EXTL1: variants seen among roughly 807,000 people sequenced by gnomAD.
EXTL1 encodes exostosin-like 1.
Under a neutral mutation model 64.6 loss-of-function variants are expected in EXTL1, and 43 were observed. The observed-to-expected ratio is 0.67, with a 90% confidence interval of 0.52 to 0.86. The LOEUF (loss-of-function observed/expected upper bound fraction) is 0.86, where lower values mean the gene tolerates loss of function less well. EXTL1 is among the 40% of genes least tolerant of loss of function. EXTL1 has a pLI of 0.00. For missense variants in EXTL1, 766 were observed against 879.0 expected, an observed-to-expected ratio of 0.87 and a Z score of 1.62; for synonymous variants, 352 against 360.5, an observed-to-expected ratio of 0.98 and a Z score of 0.27.
chr1:26,030,509 C>G lies in EXTL1; in HGVS notation c.1015C>G (p.Arg339Gly). The change falls in exon 4 of 11, where the codon CGG becomes GGG. Residue 339 changes from arginine (R) to glycine (G), a missense_variant. Arg to Gly is a moderately radical substitution (Grantham distance 125). This residue lies in a region of EXTL1 where 571 missense variants were observed against 647.6 expected (regional missense o/e 0.88). Transcript: ENST00000374280. Reference sequence around the variant, plus strand: ...TGCCCTCCAGGAGATGTCCCCTGCACGGGTCCTCGCCCTGCGTCAGCAGAC... The same window carrying G: ...TGCCCTCCAGGAGATGTCCCCTGCAGGGGTCCTCGCCCTGCGTCAGCAGAC... ...LAALQEMSPA[R>G]VLALRQQTQF... is the part of the protein sequence containing the mutation. 1 of 1,613,298 alleles carries G rather than the reference C, an allele frequency of 6.2e-7. No homozygotes were observed.
rs2050325969 is a variant in EXTL1 at position 26,035,195 on chromosome 1, C to A, written c.1879C>A (p.Pro627Thr). 1 of 1,610,504 alleles carries A rather than the reference C, an allele frequency of 6.2e-7. No individual in the cohort carries two copies. The highest frequency in any genetic ancestry group is 8.5e-7 in the Non-Finnish European group (1 of 1,178,020). ...APGGPGPRPKPPAPAPDCINQ... is the reference protein window; with the variant it reads ...APGGPGPRPKTPAPAPDCINQ... ...TGGGGGCCCGGGGCCCAGGCCAAAG[C>A]CGCCTGCCCCAGCCCCCGACTGCAT... Residue 627 changes from proline (P) to threonine (T), a missense_variant, in exon 11 of 11, where the codon CCG (proline) becomes ACG (threonine). Pro to Thr is a conservative substitution (Grantham distance 38). Around this residue, in one of 3 missense-constraint regions of EXTL1, gnomAD observed 194 missense variants for 214.5 expected, o/e 0.90. Coordinates refer to ENST00000374280, the MANE Select transcript of EXTL1 (RefSeq NM_004455.3). The surrounding 1 kb of genome is among the most constrained non-coding windows in gnomAD (Gnocchi z 5.3).
chr1:26,032,442 C>A lies in EXTL1; in HGVS notation c.1388C>A (p.Pro463Gln). 6.4e-7 allele frequency: 1 copy of A among 1,555,030 alleles called. No individual in the cohort carries two copies. Among genetic ancestry groups the A allele is most frequent in the African/African-American group, 1.4e-5 (1 of 73,364 alleles). ...SNERPLPSRW[P>Q]ETAVPLTVID... ...GAGAGGCCACTCCCATCCAGGTGGC[C>A]GGAGACAGCTGTGCCCTTGACAGTC... Residue 463 changes from proline (P) to glutamine (Q), a missense_variant, in exon 7 of 11, where the codon CCG becomes CAG. Pro to Gln is a moderately conservative substitution (Grantham distance 76). Around this residue, in one of 3 missense-constraint regions of EXTL1, gnomAD observed 571 missense variants for 647.6 expected, o/e 0.88. Coordinates refer to ENST00000374280, the MANE Select transcript of EXTL1 (RefSeq NM_004455.3).
chr1:26,022,977 C>A lies in EXTL1; in HGVS notation c.331C>A (p.His111Asn), dbSNP rs1452566156. Residue 111 changes from histidine (H) to asparagine (N), a missense_variant, in exon 1 of 11, where the codon CAT (histidine) becomes AAT (asparagine). His to Asn is a moderately conservative substitution (Grantham distance 68). Coordinates refer to ENST00000374280, the MANE Select transcript of EXTL1 (RefSeq NM_004455.3). The part of the protein sequence containing the change: ...YPAVGTISET[H>N]RRILASIEGS... Reference sequence around the variant, plus strand: ...AGCGGTTGGAACCATCTCTGAGACTCATCGCAGGATCCTGGCTTCCATTGA... The same window carrying A: ...AGCGGTTGGAACCATCTCTGAGACTAATCGCAGGATCCTGGCTTCCATTGA... 6.2e-7 allele frequency: 1 copy of A among 1,614,180 alleles called. No homozygotes were observed. Among genetic ancestry groups the A allele is most frequent in the Non-Finnish European group, 8.5e-7 (1 of 1,180,006 alleles).
intron 1 of EXTL1, among the ~76,000 whole-genome samples, chr1:26,028,779 C>G (rs971654781): frequency 2.0e-5 from 3 of 152,200 alleles, no homozygotes; most frequent in Non-Finnish European, 4.4e-5. Context: ...TCAGAGGCCA[C>G]GCAGGCAAGG....
intron 1 of EXTL1, among the ~76,000 whole-genome samples, chr1:26,027,692 A>AAAAAAAAAAAAAAGAAAAG (rs1557551532): frequency 2.7e-5 from 4 of 145,772 alleles, no homozygotes; most frequent in African/African-American, 1.0e-4. Flanking sequence ...CCATCTCTAA[A>AAAAAAAAAAAAAAGAAAAG]AAAAAAAAAA....
In EXTL1 at chr1:26,029,297, A is replaced by G. The variant is rs373167084; in HGVS notation, c.873+11A>G. ...CTCCAAGCCCTGCAGGTACAACCCC[A>G]ATTTGAGCATCACCCATCCTCTGTC... On this transcript the variant is annotated intron_variant, in intron 2 of 10. Transcript: ENST00000374280. The G allele has an allele frequency of 1.9e-4, 309 of 1,606,760 alleles. No individual in the cohort carries two copies. Among genetic ancestry groups the G allele is most frequent in the Non-Finnish European group, 2.4e-4 (287 of 1,173,614 alleles).
In EXTL1 at chr1:26,023,355, C is replaced by T. The variant is rs376018636; in HGVS notation, c.709C>T (p.Arg237Cys). The change falls in exon 1 of 11, where the codon CGC becomes TGC. Residue 237 changes from arginine to cysteine, a missense_variant. Physicochemically the swap from Arg to Cys is radical, Grantham distance 180 (BLOSUM62 -3). Coordinates refer to ENST00000374280, the MANE Select transcript of EXTL1 (RefSeq NM_004455.3). ...CCTGGAAGAGGAGAGGGGTGGGTGG[C>T]GCACAGCAGACACTGGCTCCTCTGC... ...LALEEERGGW[R>C]TADTGSSACP... 15 of 1,486,740 alleles carry T rather than the reference C, an allele frequency of 1.0e-5. No individual in the cohort carries two copies. Among genetic ancestry groups the T allele is most frequent in the African/African-American group, 1.4e-5 (1 of 71,178 alleles). The allele number at this position is 1,486,740 out of a possible 1,614,324, so 92.1% of individuals were successfully genotyped here. A position where few individuals can be genotyped will look rare whatever the true frequency, so the allele number is the denominator to read the frequency against.
chr1:26,032,345 C>A, intron 6 of EXTL1, 51 bp from the exon 7 acceptor site: 3 of 1,339,788 alleles, frequency 2.2e-6, no homozygotes, highest in Non-Finnish European at 3.1e-6. Context: ...CCCTCGCAAC[C>A]CGCCTTCTGC....
At position 26,035,622 on chromosome 1, in the gene EXTL1, A is replaced by G; in HGVS notation, c.*275A>G. 1 of 396,506 alleles carries G rather than the reference A, an allele frequency of 2.5e-6. No homozygotes were observed. The highest frequency in any genetic ancestry group is 6.4e-5 in the South Asian group (1 of 15,528). 24.6% of individuals were successfully genotyped at this position (396,506 alleles called of 1,614,324 possible). On this transcript the variant is annotated 3_prime_UTR_variant, in exon 11 of 11. Coordinates refer to ENST00000374280, the MANE Select transcript of EXTL1 (RefSeq NM_004455.3). The surrounding 1 kb of genome is among the most constrained non-coding windows in gnomAD (Gnocchi z 5.3). Reference sequence around the variant, plus strand: ...CAGCTAACTTCTGCTCGTCTTTCAGAGCATTGTCTCCTCCAGGGACTTGCC... The same window carrying G: ...CAGCTAACTTCTGCTCGTCTTTCAGGGCATTGTCTCCTCCAGGGACTTGCC...
rs1476462480 is a variant in EXTL1, at chr1:26,035,175, G to T, written c.1859G>T (p.Gly620Val). 2 of 1,602,254 alleles carry T rather than the reference G, an allele frequency of 1.2e-6. No homozygotes were observed. The highest frequency in any genetic ancestry group is 1.7e-6 in the Non-Finnish European group (2 of 1,173,640). Residue 620 changes from glycine (G) to valine (V), a missense_variant, in exon 11 of 11, where the codon GGC becomes GTC. Around this residue, in one of 3 missense-constraint regions of EXTL1, gnomAD observed 194 missense variants for 214.5 expected, o/e 0.90. Coordinates refer to ENST00000374280, the MANE Select transcript of EXTL1 (RefSeq NM_004455.3). This position sits in a 1 kb window ranked among gnomAD's most constrained non-coding sequence, Gnocchi z 5.3. The stretch of plus-strand genomic sequence containing the variant: ...TTCTTTCCCTCTTAGGCGCCTGGGG[G>T]CCCGGGGCCCAGGCCAAAGCCGCCT... ...RQEAAPLAPG[G>V]PGPRPKPPAP...
At position 26,033,731 on chromosome 1, in the gene EXTL1, A is replaced by G. The variant is rs950577023; in HGVS notation, c.1554A>G (p.Pro518=). The G allele has an allele frequency of 6.2e-7, 1 of 1,614,044 alleles. No individual in the cohort carries two copies. The change falls in exon 9 of 11, where the codon CCA becomes CCG. Residue 518 remains proline, a synonymous_variant. Transcript: ENST00000374280. The surrounding 1 kb of genome is among the most constrained non-coding windows in gnomAD (Gnocchi z 5.1). ...DFAFLVWQSF[P]ERMVGFLTSS... The stretch of plus-strand genomic sequence containing the variant: ...CCTTTCTGGTGTGGCAGAGCTTCCC[A>G]GAGCGGATGGTGGGCTTCCTGACGT...
chr1:26,035,262 C>G lies in EXTL1; in HGVS notation c.1946C>G (p.Ser649Cys). The G allele has an allele frequency of 6.2e-7, 1 of 1,613,706 alleles. No homozygotes were observed. The highest frequency in any genetic ancestry group is 8.5e-7 in the Non-Finnish European group (1 of 1,179,956). Residue 649 changes from serine (S) to cysteine (C), a missense_variant, in exon 11 of 11, where the codon TCC (serine) becomes TGC (cysteine). Physicochemically the swap from Ser to Cys is moderately radical, Grantham distance 112 (BLOSUM62 -1). Transcript: ENST00000374280. This position sits in a 1 kb window ranked among gnomAD's most constrained non-coding sequence, Gnocchi z 5.3. ...GCGTTCGGCCACATGCCCTTGCTGTCCTCTCGTCTGCGTCTGGACCCGGTG... is the reference window on the plus strand; with the variant it reads ...GCGTTCGGCCACATGCCCTTGCTGTGCTCTCGTCTGCGTCTGGACCCGGTG... ...AAAFGHMPLL[S>C]SRLRLDPVLF... is the part of the protein sequence containing the mutation.
Position 26,022,727 on chromosome 1 carries a change from C to T in EXTL1, c.81C>T (p.Phe27=), listed in dbSNP as rs1199054011. 12 of 1,613,874 alleles carry T rather than the reference C, an allele frequency of 7.4e-6. No homozygotes were observed. Among genetic ancestry groups the T allele is most frequent in the Non-Finnish European group, 9.3e-6 (11 of 1,179,968 alleles). The change falls in exon 1 of 11, where the codon TTC becomes TTT. Residue 27 remains phenylalanine (F), a synonymous_variant. Transcript: ENST00000374280. ...TCCTGCTTGTCCTGCTGGGAGGCTTCTCCCTTCTCCGCCTGGCATTGCCTC... is the reference window on the plus strand; with the variant it reads ...TCCTGCTTGTCCTGCTGGGAGGCTTTTCCCTTCTCCGCCTGGCATTGCCTC... The part of the protein sequence containing the change: ...SWLLLVLLGG[F]SLLRLALPPR...
Position 26,032,569 on chromosome 1 carries a change from T to C in EXTL1, c.1431+84T>C. On this transcript the variant is annotated intron_variant, in intron 7 of 10. Coordinates refer to ENST00000374280, the MANE Select transcript of EXTL1 (RefSeq NM_004455.3). ...ACCCATGGGGTGTTTTATGAATACT[T>C]GGGCCTGAGCCGCAGTTGGGCCTGA... 2.9e-6 allele frequency: 3 copies of C among 1,031,888 alleles called. No individual in the cohort carries two copies. In the South Asian group the frequency reaches 4.5e-5, roughly 16 times the overall value. 63.9% of individuals were successfully genotyped at this position (1,031,888 alleles called of 1,614,324 possible). A position where few individuals can be genotyped will look rare whatever the true frequency, so the allele number is the denominator to read the frequency against.
At position 26,031,484 on chromosome 1, in the gene EXTL1, GC is replaced by G; in HGVS notation, c.1260del (p.Ser420ArgfsTer3). ...QQGSRPEGRF[S>X]ALIWVGPPGQ... ...GGCTCCCGCCCTGAGGGCAGATTCA[GC>G]GCCCTGATCTGGGTGGGGCCCCCAG... On this transcript the variant is annotated frameshift_variant, in exon 6 of 11. Coordinates refer to ENST00000374280, the MANE Select transcript of EXTL1 (RefSeq NM_004455.3). LOFTEE classifies it high-confidence loss of function. The G allele has an allele frequency of 1.9e-6, 3 of 1,592,564 alleles. No homozygotes were observed. The South Asian group carries it at 3.4e-5, about 18-fold the overall frequency.
chr1:26,027,561 C>T (rs1340058503), intron 1 of EXTL1, among the ~76,000 whole-genome samples: 1 of 151,468 alleles, frequency 6.6e-6, no homozygotes, highest in Non-Finnish European at 1.5e-5. Flanking sequence ...GACATTAAGA[C>T]AGCGTAGAAG....
At chr1:26,031,646 C>T (rs1467338019) in intron 6 of EXTL1, 80 bp downstream of exon 6, 1 of 782,328 alleles carries the variant, frequency 1.3e-6, no homozygotes, top group Non-Finnish European at 1.9e-6. Context: ...ACTTCCAGAC[C>T]CCAAAGATGA....
At chr1:26,029,412 G>A (rs1385207948) in intron 2 of EXTL1, 126 bp downstream of exon 2, 2 of 805,316 alleles carry the variant, frequency 2.5e-6, no homozygotes, top group African/African-American at 3.4e-5. Context: ...CTGGACTCAG[G>A]CATGCCTGTG....
chr1:26,031,217 C>G lies in EXTL1; in HGVS notation c.1187C>G (p.Thr396Ser). ...SPPGALLALS[T>S]FSTSPQDFPF... is the part of the protein sequence containing the mutation. ...CCAGGGGCACTCCTGGCCCTGTCTA[C>G]TTTTTCCACAAGCCCCCAGGACTTC... Residue 396 changes from threonine (T) to serine (S), a missense_variant, in exon 5 of 11, where the codon ACT (threonine) becomes AGT (serine). This residue lies in a region of EXTL1 where 571 missense variants were observed against 647.6 expected (regional missense o/e 0.88). Transcript: ENST00000374280. 1 of 1,614,080 alleles carries G rather than the reference C, an allele frequency of 6.2e-7. No homozygotes were observed. Among genetic ancestry groups the G allele is most frequent in the Non-Finnish European group, 8.5e-7 (1 of 1,180,006 alleles).
Sources: allele counts gnomAD v4.1 joint callset (sites outside exome capture counted in the v4.1 genomes callset), GRCh38; gene constraint gnomAD v4.1.1; regional missense constraint gnomAD v4.1.1; non-coding constraint Gnocchi (gnomAD v3.1); transcripts MANE v1.5; gene names NCBI Gene and HGNC (gene_info 2026-07-23, HGNC 2026-07-21).